Variants in NBDY observed in about 807,000 individuals in gnomAD.
NBDY encodes negative regulator of P-body association, also known as P-body dissociating protein.
chrX:56,738,125 A>G (rs2069507092), intron 2 of NBDY, among the ~76,000 whole-genome samples: 2 of 112,078 alleles, frequency 1.8e-5, no homozygotes, highest in African/African-American at 6.5e-5. Flanking sequence ...CAAAGTGCTA[A>G]TCCAAGATGA....
intron 2 of NBDY, among the ~76,000 whole-genome samples, chrX:56,760,203 G>C (rs965731468): frequency 1.8e-5 from 2 of 113,191 alleles, no homozygotes; most frequent in African/African-American, 6.4e-5. Flanking sequence ...AGTCTACCCA[G>C]CCTGGCACAT....
intron 2 of NBDY, among the ~76,000 whole-genome samples, chrX:56,762,849 T>C (rs946155306): frequency 9.1e-6 from 1 of 109,592 alleles, no homozygotes; most frequent in African/African-American, 3.3e-5. Flanking sequence ...AGAAATGAAA[T>C]CACAAACACA....
At chrX:56,749,151 C>T (rs2069571287) in intron 2 of NBDY, among the ~76,000 whole-genome samples, 1 of 109,574 alleles carries the variant, frequency 9.1e-6, no homozygotes, top group African/African-American at 3.3e-5. Flanking sequence ...TAGTATAATC[C>T]TGAGAGGGTG....
rs184427458 is a variant in NBDY at position 56,745,358 on chromosome X, C to T, written c.*166+13159C>T. ...GGATGAGGGGGGACCACTTTAGATT[C>T]ATCAGGGCATCAATTTGGCTACATA... On this transcript the variant is annotated intron_variant, in intron 2 of 2. Coordinates refer to ENST00000374922, the MANE Select transcript of NBDY (RefSeq NM_001348129.2). Among the ~76,000 whole-genome samples, 7 of 110,714 alleles carry T rather than the reference C, an allele frequency of 6.3e-5. No homozygotes were observed. The East Asian group carries it at 2.0e-3, about 32-fold the overall frequency.
At chrX:56,738,517 T>C (rs1227213861) in intron 2 of NBDY, among the ~76,000 whole-genome samples, 1 of 112,153 alleles carries the variant, frequency 8.9e-6, no homozygotes, top group African/African-American at 3.2e-5. Context: ...CAGTTTCAAA[T>C]CTGGGCCTCT....
intron 2 of NBDY, among the ~76,000 whole-genome samples, chrX:56,785,611 G>A (rs2069723180): frequency 1.8e-5 from 2 of 111,242 alleles, no homozygotes; most frequent in South Asian, 7.6e-4. Flanking sequence ...GCGGGATGGG[G>A]TTGGGGTTGG....
intron 2 of NBDY, among the ~76,000 whole-genome samples, chrX:56,759,507 C>T (rs1204782655): frequency 9.0e-6 from 1 of 111,029 alleles, no homozygotes; most frequent in Non-Finnish European, 1.9e-5. Flanking sequence ...TTCTCTTTCT[C>T]CTTCCTATTT....
At chrX:56,785,330 C>T (rs1024912092) in intron 2 of NBDY, among the ~76,000 whole-genome samples, 22 of 111,205 alleles carry the variant, frequency 2.0e-4, no homozygotes, top group East Asian at 8.6e-4. Context: ...GGTGGCATTG[C>T]GACTCTGAGT....
At chrX:56,803,302 G>C (rs2069833518) in intron 2 of NBDY, among the ~76,000 whole-genome samples, 1 of 111,711 alleles carries the variant, frequency 9.0e-6, no homozygotes, top group Non-Finnish European at 1.9e-5. Context: ...GGCAGGAGTC[G>C]TCCCGCCCAC....
At chrX:56,804,045 G>A (rs2069837283) in intron 2 of NBDY, among the ~76,000 whole-genome samples, 1 of 110,380 alleles carries the variant, frequency 9.1e-6, no homozygotes, top group South Asian at 4.0e-4. Context: ...GGGATAGGTC[G>A]CACTGGGGGC....
At chrX:56,808,007 T>G (rs1181196062) in intron 2 of NBDY, among the ~76,000 whole-genome samples, 1 of 112,083 alleles carries the variant, frequency 8.9e-6, no homozygotes, top group African/African-American at 3.2e-5. Context: ...CCTAGTTTAT[T>G]GAAAGTTTTT....
At chrX:56,786,907 C>A (rs2069732501) in intron 2 of NBDY, among the ~76,000 whole-genome samples, 1 of 111,423 alleles carries the variant, frequency 9.0e-6, no homozygotes, top group South Asian at 3.8e-4. Flanking sequence ...CACCAAAAAG[C>A]TGCCAACATG....
chrX:56,818,362 G>A lies in NBDY; in HGVS notation c.*1209G>A. ...ATTAGTCCCTAGCATCAGAATTAAA[G>A]AATCTGAAAAATCACAAATGGAGGT... is the stretch of plus-strand genomic sequence containing the variant. On this transcript the variant is annotated 3_prime_UTR_variant, in exon 3 of 3. Coordinates refer to ENST00000374922, the MANE Select transcript of NBDY (RefSeq NM_001348129.2). The A allele has an allele frequency of 8.9e-6, 1 of 111,942 alleles. No homozygotes were observed. The highest frequency in any genetic ancestry group is 2.8e-4 in the East Asian group (1 of 3,605). 9.2% of individuals were successfully genotyped at this position (111,942 alleles called of 1,213,427 possible).
intron 2 of NBDY, among the ~76,000 whole-genome samples, chrX:56,735,476 A>G (rs2069483139): frequency 8.9e-6 from 1 of 111,997 alleles, no homozygotes; most frequent in Non-Finnish European, 1.9e-5. Flanking sequence ...ATCTTGGTCC[A>G]TTCTATTTGT....
intron 2 of NBDY, among the ~76,000 whole-genome samples, chrX:56,784,516 T>TGGTTC (rs1405655923): frequency 1.8e-5 from 2 of 111,908 alleles, no homozygotes; most frequent in Non-Finnish European, 3.8e-5. Context: ...TGGAACGTGG[T>TGGTTC]GGTTCACCAG....
chrX:56,784,081 G>A (rs770318675), intron 2 of NBDY, among the ~76,000 whole-genome samples: 4 of 112,019 alleles, frequency 3.6e-5, no homozygotes, highest in African/African-American at 1.3e-4. Flanking sequence ...GGCAGTGTGA[G>A]TGGGTACAGG....
chrX:56,797,485 T>A (rs147331064), intron 2 of NBDY, among the ~76,000 whole-genome samples: 2 of 110,423 alleles, frequency 1.8e-5, no homozygotes, highest in Non-Finnish European at 3.8e-5. Flanking sequence ...AGAACAGCGA[T>A]GAAGGTCACC....
At chrX:56,788,530 G>T (rs11795911) in intron 2 of NBDY, among the ~76,000 whole-genome samples, 9 of 112,606 alleles carry the variant, frequency 8.0e-5, no homozygotes, top group Non-Finnish European at 1.7e-4. Flanking sequence ...AGAAAGGGCA[G>T]TTGGGGCAGC....
chrX:56,805,437 G>T (rs908258650), intron 2 of NBDY, among the ~76,000 whole-genome samples: 1 of 112,174 alleles, frequency 8.9e-6, no homozygotes, highest in African/African-American at 3.2e-5. Context: ...GTAGGCCCAG[G>T]CACCTCCCGT....
Sources: gnomAD v4.1 joint callset for allele counts (sites outside exome capture counted in the v4.1 genomes callset) on GRCh38, gnomAD v4.1.1 for gene constraint, MANE v1.5 for transcripts, NCBI Gene and HGNC (gene_info 2026-07-23, HGNC 2026-07-21) for gene names.